Variants in FER1L5 observed in about 807,000 individuals in gnomAD.
FER1L5 encodes fer-1 like family member 5.
A neutral mutation model predicts 279.9 loss-of-function variants in FER1L5; 187 were observed. The observed-to-expected ratio is 0.67, with a 90% CI of 0.59 to 0.75. The LOEUF (loss-of-function observed/expected upper bound fraction) is 0.75. Ranked by LOEUF, FER1L5 falls within the 30% of genes least tolerant of loss-of-function variation. The probability of loss-of-function intolerance (pLI) is 0.00; values close to 1 mark genes in which losing one functional copy is unlikely to be tolerated. For synonymous variants in FER1L5, 921 were observed against 989.7 expected (o/e 0.93, Z 1.30); for missense variants, 2,091 against 2,594.4 (o/e 0.81, Z 4.21).
chr2:96,692,027 G>T lies in FER1L5; in HGVS notation c.3214+64G>T. 8.2e-6 allele frequency: 9 copies of T among 1,094,664 alleles called. 1 individual carries two copies. Among genetic ancestry groups the T allele is most frequent in the South Asian group, 5.4e-5 (4 of 73,714 alleles). The allele number at this position is 1,094,664 out of a possible 1,614,324, so 67.8% of individuals were successfully genotyped here. A position where few individuals can be genotyped will look rare whatever the true frequency, so the allele number is the denominator to read the frequency against. On this transcript the variant is annotated intron_variant, in intron 30 of 52. Coordinates refer to ENST00000624922, the MANE Select transcript of FER1L5 (RefSeq NM_001293083.2). ...AGGCCAGTACCCGAGGGCGGGGGGG[G>T]GGGACAGGGTGGGGGCAGTCAGAGG... is the stretch of plus-strand genomic sequence containing the variant.
At chr2:96,671,568 A>G (rs1352968865) in intron 18 of FER1L5, among the ~76,000 whole-genome samples, 1 of 152,248 alleles carries the variant, frequency 6.6e-6, no homozygotes, top group Non-Finnish European at 1.5e-5. Context: ...GTGATGTAAG[A>G]CATCCACATA....
chr2:96,688,725 G>A (rs528064211), intron 24 of FER1L5, among the ~76,000 whole-genome samples: 5 of 152,164 alleles, frequency 3.3e-5, no homozygotes, highest in Admixed American at 1.3e-4. Context: ...AGGGTGCGGG[G>A]CAGGGAGCAG....
intron 36 of FER1L5, 24 bp from the exon 37 acceptor site, chr2:96,696,028 C>G (rs996431417): frequency 1.2e-6 from 2 of 1,613,592 alleles, no homozygotes; most frequent in Non-Finnish European, 1.7e-6. Flanking sequence ...TCCTGAGACT[C>G]GTCCCTGCGC....
At chr2:96,647,742 G>T (rs912775241) in intron 3 of FER1L5, 36 bp from the exon 4 acceptor site, 3 of 1,463,536 alleles carry the variant, frequency 2.0e-6, no homozygotes, top group Non-Finnish European at 2.8e-6. Context: ...TCTTTCCCCT[G>T]GCTCAGGATC....
At chr2:96,661,497 C>T in intron 11 of FER1L5, 57 bp downstream of exon 11, 1 of 1,525,764 alleles carries the variant, frequency 6.6e-7, no homozygotes, top group Non-Finnish European at 8.9e-7. Context: ...TGGGGGCACC[C>T]CTGGGCCTCA....
At chr2:96,660,084 A>G (rs1486549807) in intron 9 of FER1L5, among the ~76,000 whole-genome samples, 2 of 152,172 alleles carry the variant, frequency 1.3e-5, no homozygotes, top group Non-Finnish European at 2.9e-5. Flanking sequence ...GGCACAGTGC[A>G]GTGTTGAGGA....
At chr2:96,684,174 G>A (rs2076835936) in intron 19 of FER1L5, among the ~76,000 whole-genome samples, 153 bp from the exon 20 acceptor site, 1 of 152,208 alleles carries the variant, frequency 6.6e-6, no homozygotes, top group Admixed American at 6.5e-5. Context: ...CCCCAGCCCA[G>A]CCTCCCAGCT....
chr2:96,673,881 A>C (rs1396477583), intron 19 of FER1L5, among the ~76,000 whole-genome samples: 1 of 152,158 alleles, frequency 6.6e-6, no homozygotes, highest in African/African-American at 2.4e-5. Flanking sequence ...ACTGGGGTGC[A>C]TGCTCCAGTT....
chr2:96,681,213 C>G (rs1279055689), intron 19 of FER1L5, among the ~76,000 whole-genome samples: 1 of 152,130 alleles, frequency 6.6e-6, no homozygotes, highest in East Asian at 1.9e-4. Flanking sequence ...AATTAGCCAA[C>G]CATGGTGGCT....
chr2:96,679,624 A>C (rs2076644739), intron 19 of FER1L5, among the ~76,000 whole-genome samples: 1 of 152,236 alleles, frequency 6.6e-6, no homozygotes, highest in Non-Finnish European at 1.5e-5. Flanking sequence ...CATTTGTTAA[A>C]AAGACCATCC....
intron 4 of FER1L5, 132 bp downstream of exon 4, chr2:96,648,018 C>T (rs2075211113): frequency 1.5e-6 from 1 of 659,262 alleles, no homozygotes; most frequent in Admixed American, 2.5e-5. Context: ...TGACCACCTC[C>T]CTTGCCATCA....
At chr2:96,688,059 G>T in intron 24 of FER1L5, 112 bp downstream of exon 24, 1 of 1,398,066 alleles carries the variant, frequency 7.2e-7, no homozygotes, top group South Asian at 1.3e-5. Context: ...GAGAAGGGAG[G>T]GTGTAGCTGC....
rs545392400 is a variant in FER1L5, at chr2:96,681,672, G to T, written c.1670-2655G>T. 5.3e-5 allele frequency among the ~76,000 whole-genome samples: 8 copies of T among 151,922 alleles called. No individual in the cohort carries two copies. The South Asian group carries it at 1.7e-3, about 32-fold the overall frequency. On this transcript the variant is annotated intron_variant, in intron 19 of 52. Coordinates refer to ENST00000624922, the MANE Select transcript of FER1L5 (RefSeq NM_001293083.2). ...GTGTTCATAGATCCAGATGACATAG[G>T]GTATAGTCATAGCTCATTCACTGAC...
intron 27 of FER1L5, 24 bp downstream of exon 27, chr2:96,690,613 G>C (rs1484970014): frequency 6.5e-7 from 1 of 1,543,538 alleles, no homozygotes; most frequent in Non-Finnish European, 8.8e-7. Flanking sequence ...TCAGGGTTGG[G>C]ATCGGGAGAG....
Position 96,691,896 on chromosome 2 carries a change from G to C in FER1L5, c.3147G>C (p.Gln1049His), listed in dbSNP as rs1433194791. 3 of 1,551,380 alleles carry C rather than the reference G, an allele frequency of 1.9e-6. No individual in the cohort carries two copies. Among genetic ancestry groups the C allele is most frequent in the Non-Finnish European group, 2.6e-6 (3 of 1,146,980 alleles). The change falls in exon 30 of 53, where the codon CAG becomes CAC. Residue 1049 changes from glutamine (Q) to histidine (H), a missense_variant. Gln to His is a conservative substitution (Grantham distance 24, BLOSUM62 0). Coordinates refer to ENST00000624922, the MANE Select transcript of FER1L5 (RefSeq NM_001293083.2). The surrounding 1 kb of genome is among the most constrained non-coding windows in gnomAD (Gnocchi z 6.0). ...SKTWPWGLDR[Q>H]FRDPQRQDTR... ...CATGGCCATGGGGTCTGGACAGACA[G>C]TTCAGGGACCCCCAGAGGCAGGACA...
chr2:96,679,920 T>C (rs547880367), intron 19 of FER1L5, among the ~76,000 whole-genome samples: 5 of 152,164 alleles, frequency 3.3e-5, no homozygotes, highest in Non-Finnish European at 7.3e-5. Flanking sequence ...TTTTTTCTTC[T>C]ACTTGTTTTC....
intron 24 of FER1L5, 69 bp downstream of exon 24, chr2:96,688,016 G>A (rs2076997385): frequency 6.5e-7 from 1 of 1,532,732 alleles, no homozygotes; most frequent in African/African-American, 1.4e-5. Context: ...GCCTCGTAGG[G>A]AAGAGATGGC....
chr2:96,665,448 AGAG>A (rs2076094175), intron 14 of FER1L5, among the ~76,000 whole-genome samples: 1 of 152,046 alleles, frequency 6.6e-6, no homozygotes, highest in Admixed American at 6.6e-5. Flanking sequence ...AAGACATTTC[AGAG>A]GAGGCCTAGT....
chr2:96,650,355 G>A (rs978637992), intron 6 of FER1L5, 66 bp downstream of exon 6: 15 of 1,345,354 alleles, frequency 1.1e-5, no homozygotes, highest in East Asian at 2.5e-5. Flanking sequence ...GTGTTCCCAG[G>A]CCACCTCACC....
Sources: gnomAD v4.1 joint callset for allele counts (sites outside exome capture counted in the v4.1 genomes callset) on GRCh38, gnomAD v4.1.1 for gene constraint, Gnocchi (gnomAD v3.1) non-coding constraint, MANE v1.5 for transcripts, NCBI Gene and HGNC (gene_info 2026-07-23, HGNC 2026-07-21) for gene names.